Variants in RIOK3 observed in about 807,000 individuals in gnomAD.
RIOK3 encodes serine/threonine-protein kinase RIO3.
In RIOK3, 40 loss-of-function variants were observed where a neutral mutation model predicts 63.5. That is an observed-to-expected ratio of 0.63 (90% CI 0.49 to 0.82). The LOEUF is 0.82. Among genes scored for constraint, RIOK3 ranks in the 40% least tolerant of loss-of-function variants. RIOK3 has a pLI of 0.00. For missense variants in RIOK3, 557 were observed against 637.0 expected, an observed-to-expected ratio of 0.87 and a Z score of 1.35; for synonymous variants, 193 against 205.0, an observed-to-expected ratio of 0.94 and a Z score of 0.50.
intron 4 of RIOK3, 75 bp downstream of exon 4, chr18:23,464,388 A>C: frequency 8.1e-7 from 1 of 1,228,110 alleles, no homozygotes. Flanking sequence ...GAACTCTTTT[A>C]GTTTTATATT....
rs1177152374 is a variant in RIOK3 at position 23,464,049 on chromosome 18, T to A, written c.262T>A (p.Tyr88Asn). The A allele has an allele frequency of 6.2e-7, 1 of 1,613,440 alleles. No individual in the cohort carries two copies. Among genetic ancestry groups the A allele is most frequent in the East Asian group, 2.2e-5 (1 of 44,886 alleles). Residue 88 changes from tyrosine to asparagine, a missense_variant, in exon 3 of 13, where the codon TAT becomes AAT. Physicochemically the swap from Tyr to Asn is moderately radical, Grantham distance 143. Transcript: ENST00000339486. The stretch of plus-strand genomic sequence containing the variant: ...GCTGGCTCAGATGCTACAGATGGAA[T>A]ATGACAGAGAATATGATGCACAGCT... ...LMLAQMLQMEYDREYDAQLRR... is the reference protein window; with the variant it reads ...LMLAQMLQMENDREYDAQLRR...
chr18:23,462,792 A>G (rs1018660654), intron 1 of RIOK3, among the ~76,000 whole-genome samples, 172 bp from the exon 2 acceptor site: 1 of 152,244 alleles, frequency 6.6e-6, no homozygotes, highest in Non-Finnish European at 1.5e-5. Context: ...CCTTGACTAA[A>G]TTTGACCTGG....
At position 23,471,619 on chromosome 18, in the gene RIOK3, A is replaced by G. The variant is rs563967405; in HGVS notation, c.816-1810A>G. 2.7e-3 allele frequency among the ~76,000 whole-genome samples: 418 copies of G among 152,308 alleles called. 3 individuals carry two copies. The highest frequency in any genetic ancestry group is 9.6e-3 in the African/African-American group (400 of 41,576). On this transcript the variant is annotated intron_variant, in intron 7 of 12. Coordinates refer to ENST00000339486, the MANE Select transcript of RIOK3 (RefSeq NM_003831.5). ...AACGTTGTAGTAGTTGAAGTGAGAA[A>G]TGGTGAAGGGTTGGACTAGGGAGGG...
At position 23,466,368 on chromosome 18, in the gene RIOK3, A is replaced by AT. The variant is rs202246319; in HGVS notation, c.687+98dup. ...AAGAAAAAAAAACTTCATGTTTGAT[A>AT]TTTTTTCATGAGATTGGCTTTTTAA... is the stretch of plus-strand genomic sequence containing the variant. On this transcript the variant is annotated intron_variant, in intron 6 of 12. Transcript: ENST00000339486. 9.4e-4 allele frequency: 992 copies of AT among 1,056,372 alleles called. 9 individuals are homozygous for AT. The African/African-American group carries it at 0.015, about 15-fold the overall frequency. The allele number at this position is 1,056,372 out of a possible 1,614,324, so 65.4% of individuals were successfully genotyped here.
At chr18:23,467,638 T>A in intron 7 of RIOK3, 112 bp downstream of exon 7, 1 of 1,046,976 alleles carries the variant, frequency 9.6e-7, no homozygotes, top group Non-Finnish European at 1.4e-6. Context: ...GAGTAATTTT[T>A]AAAGTGTTAT....
chr18:23,470,000 C>A (rs1258742102), intron 7 of RIOK3, among the ~76,000 whole-genome samples: 1 of 151,970 alleles, frequency 6.6e-6, no homozygotes, highest in Non-Finnish European at 1.5e-5. Flanking sequence ...GCAAACGAGA[C>A]CTTATATGGG....
intron 6 of RIOK3, 41 bp downstream of exon 6, chr18:23,466,317 A>G (rs2057407628): frequency 1.4e-6 from 2 of 1,450,828 alleles, no homozygotes; most frequent in East Asian, 4.8e-5. Context: ...TTTACTAGAA[A>G]GATTCATATT....
rs77521017 is a variant in RIOK3 at position 23,480,555 on chromosome 18, G to A, written c.1453-617G>A. ...ACTATTTGTGTATACTTGGATGCAC[G>A]CACACACACACACACACACACACAC... is the stretch of plus-strand genomic sequence containing the variant. On this transcript the variant is annotated intron_variant, in intron 12 of 12. Transcript: ENST00000339486. 8.0e-3 allele frequency among the ~76,000 whole-genome samples: 1,140 copies of A among 142,090 alleles called. 10 individuals are homozygous for A. Among genetic ancestry groups the A allele is most frequent in the African/African-American group, 0.027 (997 of 37,522 alleles). The allele number at this position is 142,090 out of a possible 152,430, so 93.2% of individuals were successfully genotyped here. A position where few individuals can be genotyped will look rare whatever the true frequency, so the allele number is the denominator to read the frequency against.
Position 23,464,526 on chromosome 18 carries a change from G to T in RIOK3, c.441G>T (p.Pro147=), listed in dbSNP as rs140310363. ...TATTTCAATTGCCTTTAGCAAAACC[G>T]GTTCCCACTCCTAAAAAGGGCTTTA... ...TRDDPYRPAK[P]VPTPKKGFIG... Residue 147 remains proline, a synonymous_variant, in exon 5 of 13, where the codon CCG becomes CCT. Coordinates refer to ENST00000339486, the MANE Select transcript of RIOK3 (RefSeq NM_003831.5). 1 of 1,596,914 alleles carries T rather than the reference G, an allele frequency of 6.3e-7. No individual in the cohort carries two copies. The highest frequency in any genetic ancestry group is 8.5e-7 in the Non-Finnish European group (1 of 1,173,476).
chr18:23,468,242 T>C (rs1598809618), intron 7 of RIOK3, among the ~76,000 whole-genome samples: 1 of 152,032 alleles, frequency 6.6e-6, no homozygotes, highest in African/African-American at 2.4e-5. Context: ...CTTTTTCTTG[T>C]CTTCTCTCTT....
chr18:23,470,166 G>T (rs200113011), intron 7 of RIOK3, among the ~76,000 whole-genome samples: 1 of 151,964 alleles, frequency 6.6e-6, no homozygotes, highest in East Asian at 1.9e-4. Context: ...AGATCGAGAC[G>T]ATCCTGGTTA....
At chr18:23,462,306 A>T (rs1033514251) in intron 1 of RIOK3, among the ~76,000 whole-genome samples, 12 of 151,662 alleles carry the variant, frequency 7.9e-5, no homozygotes, top group African/African-American at 2.9e-4. Context: ...CAGCCCGCTA[A>T]TTGTTTGTAT....
At chr18:23,476,691 G>A (rs1284504104) in intron 9 of RIOK3, among the ~76,000 whole-genome samples, 2 of 152,032 alleles carry the variant, frequency 1.3e-5, no homozygotes, top group African/African-American at 4.8e-5. Flanking sequence ...GGCAGGTCAC[G>A]AGGTCAGGAG....
At chr18:23,458,553 T>C (rs1171550767) in intron 1 of RIOK3, among the ~76,000 whole-genome samples, 1 of 152,218 alleles carries the variant, frequency 6.6e-6, no homozygotes, top group Non-Finnish European at 1.5e-5. Context: ...CATCAGATTG[T>C]GACACTATAG....
intron 2 of RIOK3, 75 bp downstream of exon 2, chr18:23,463,154 C>T (rs760773665): frequency 8.3e-5 from 79 of 951,814 alleles, no homozygotes; most frequent in Non-Finnish European, 1.2e-4. Context: ...ATTGTCATGA[C>T]AAGTGGTTTG....
intron 7 of RIOK3, among the ~76,000 whole-genome samples, chr18:23,471,856 C>G (rs1306653413): frequency 6.6e-6 from 1 of 152,068 alleles, no homozygotes; most frequent in African/African-American, 2.4e-5. Flanking sequence ...TTTGAGATGC[C>G]TGTTAGACTT....
At position 23,453,421 on chromosome 18, in the gene RIOK3, T is replaced by C; in HGVS notation, c.-19T>C. On this transcript the variant is annotated 5_prime_UTR_variant, in exon 1 of 13. Coordinates refer to ENST00000339486, the MANE Select transcript of RIOK3 (RefSeq NM_003831.5). ...CTGCCACCTCTCTGCTCTGTTCTTGTCTCTGCCTTCATTCCCGAATGGATC... is the reference window on the plus strand; with the variant it reads ...CTGCCACCTCTCTGCTCTGTTCTTGCCTCTGCCTTCATTCCCGAATGGATC... 6.2e-7 allele frequency: 1 copy of C among 1,609,642 alleles called. No homozygotes were observed. The highest frequency in any genetic ancestry group is 8.5e-7 in the Non-Finnish European group (1 of 1,176,208).
chr18:23,478,356 C>T (rs1201526303), intron 11 of RIOK3, among the ~76,000 whole-genome samples: 4 of 151,542 alleles, frequency 2.6e-5, no homozygotes, highest in African/African-American at 4.9e-5. Flanking sequence ...TTGCTTGAGC[C>T]CAGGAGTTTG....
chr18:23,478,119 T>G lies in RIOK3; in HGVS notation c.1344+851T>G, dbSNP rs181016463. ...AAAGGGAATAAGTGAGTGTTTTGGC[T>G]CCTTGTATATAAGCAGTCGAGTAGA... On this transcript the variant is annotated intron_variant, in intron 11 of 12. Transcript: ENST00000339486. Among the ~76,000 whole-genome samples, 422 of 151,540 alleles carry G rather than the reference T, an allele frequency of 2.8e-3. 3 individuals carry two copies. Among genetic ancestry groups the G allele is most frequent in the African/African-American group, 9.8e-3 (403 of 41,236 alleles).
Sources: gnomAD v4.1 joint callset for allele counts (sites outside exome capture counted in the v4.1 genomes callset) on GRCh38, gnomAD v4.1.1 for gene constraint, MANE v1.5 for transcripts, NCBI Gene and HGNC (gene_info 2026-07-23, HGNC 2026-07-21) for gene names.